Variants in SGCZ observed in about 807,000 individuals in gnomAD.
SGCZ encodes the protein sarcoglycan zeta, also known as zeta-sarcoglycan.
SGCZ carries 40 observed loss-of-function variants against 41.3 expected under a neutral mutation model. The observed-to-expected ratio is 0.97, with a 90% confidence interval of 0.75 to 1.26. The LOEUF (loss-of-function observed/expected upper bound fraction) is 1.26. Among genes scored for constraint, SGCZ ranks in the 50% most tolerant of loss-of-function variants. The pLI is 0.00. For missense variants in SGCZ, 552 were observed against 369.8 expected (o/e 1.49, Z -4.04); for synonymous variants, 206 against 137.5 (o/e 1.50, Z -3.49).
intron 2 of SGCZ, among the ~76,000 whole-genome samples, chr8:14,365,873 G>A (rs1043282869): frequency 5.3e-5 from 8 of 151,764 alleles, no homozygotes; most frequent in African/African-American, 1.7e-4. Flanking sequence ...TCCTTGTTTT[G>A]ATACCTGATA....
chr8:14,740,836 G>T (rs1476577803), intron 1 of SGCZ, among the ~76,000 whole-genome samples: 2 of 151,916 alleles, frequency 1.3e-5, no homozygotes, highest in African/African-American at 2.4e-5. Flanking sequence ...AGATGTAAGG[G>T]CAAACACCAA....
chr8:15,169,353 G>A (rs976607486), intron 1 of SGCZ, among the ~76,000 whole-genome samples: 5 of 152,154 alleles, frequency 3.3e-5, no homozygotes, highest in East Asian at 1.9e-4. Flanking sequence ...ACGTTTGCAG[G>A]GGGAGGAGCC....
rs1303643080 is a variant in SGCZ, at chr8:14,755,897, A to G, written c.40-200971T>C. On this transcript the variant is annotated intron_variant, in intron 1 of 7. Transcript: ENST00000382080. The stretch of plus-strand genomic sequence containing the variant: ...AAGTAAAAATAAAAAATAAAAAACT[A>G]TACATTGAATGAAATCAGAATAAGT... Among the ~76,000 whole-genome samples, 3 of 152,316 alleles carry G rather than the reference A, an allele frequency of 2.0e-5. No individual in the cohort carries two copies. The East Asian group carries it at 5.8e-4, about 29-fold the overall frequency.
At chr8:14,560,945 AGTTT>A (rs1804189924) in intron 1 of SGCZ, among the ~76,000 whole-genome samples, 1 of 152,182 alleles carries the variant, frequency 6.6e-6, no homozygotes, top group African/African-American at 2.4e-5. Flanking sequence ...AATAAAGCTT[AGTTT>A]AACATTATTA....
At chr8:14,793,584 G>A (rs1801029146) in intron 1 of SGCZ, among the ~76,000 whole-genome samples, 1 of 152,114 alleles carries the variant, frequency 6.6e-6, no homozygotes, top group Admixed American at 6.6e-5. Context: ...GGAAAGCTGA[G>A]GAATAACCCA....
intron 2 of SGCZ, among the ~76,000 whole-genome samples, chr8:14,325,060 C>A (rs772791257): frequency 7.9e-5 from 12 of 152,014 alleles, no homozygotes; most frequent in South Asian, 2.1e-4. Context: ...AAAGGAAAGC[C>A]ATACATATAA....
intron 1 of SGCZ, among the ~76,000 whole-genome samples, chr8:14,796,807 C>T (rs1352565136): frequency 4.6e-5 from 7 of 152,124 alleles, no homozygotes; most frequent in African/African-American, 1.2e-4. Context: ...TGGGAGGTAA[C>T]TGAATCATGC....
At chr8:15,200,200 A>C (rs1332056427) in intron 1 of SGCZ, among the ~76,000 whole-genome samples, 7 of 152,224 alleles carry the variant, frequency 4.6e-5, no homozygotes, top group Non-Finnish European at 1.0e-4. Context: ...ATATAGCATA[A>C]ATACTGATTT....
intron 3 of SGCZ, among the ~76,000 whole-genome samples, chr8:14,247,370 A>T (rs1365230938): frequency 6.6e-6 from 1 of 152,148 alleles, no homozygotes; most frequent in East Asian, 1.9e-4. Context: ...ATTGATGAAT[A>T]TGTATCCAGA....
Position 14,775,615 on chromosome 8 carries a change from C to G in SGCZ, c.40-220689G>C, listed in dbSNP as rs137958164. Among the ~76,000 whole-genome samples the G allele has an allele frequency of 3.3e-3, 505 of 152,050 alleles. 12 individuals are homozygous for G. Among genetic ancestry groups the G allele is most frequent in the Admixed American group, 0.03 (453 of 15,258 alleles). On this transcript the variant is annotated intron_variant, in intron 1 of 7. Transcript: ENST00000382080. The stretch of plus-strand genomic sequence containing the variant: ...TATCAAACAACTTAACCATATAACA[C>G]AGTACATATGAGGTACATGAGTATA...
At chr8:14,244,326 T>A (rs1799004441) in intron 3 of SGCZ, among the ~76,000 whole-genome samples, 1 of 152,066 alleles carries the variant, frequency 6.6e-6, no homozygotes. Context: ...TTCATTTCCG[T>A]GAAACAAGTC....
At chr8:14,624,061 C>T (rs963423822) in intron 1 of SGCZ, among the ~76,000 whole-genome samples, 1 of 152,144 alleles carries the variant, frequency 6.6e-6, no homozygotes, top group Non-Finnish European at 1.5e-5. Flanking sequence ...TTTTATTCAA[C>T]ATCTATTTAA....
intron 2 of SGCZ, among the ~76,000 whole-genome samples, chr8:14,498,444 C>G (rs1444113282): frequency 6.6e-6 from 1 of 152,002 alleles, no homozygotes; most frequent in Non-Finnish European, 1.5e-5. Context: ...ATGAGTGGAT[C>G]TAGGAATCTA....
chr8:14,148,995 A>AT (rs1212670957), intron 5 of SGCZ, among the ~76,000 whole-genome samples: 1 of 152,134 alleles, frequency 6.6e-6, no homozygotes, highest in Admixed American at 6.5e-5. Context: ...TCTCTTCATG[A>AT]TAAAAACCCC....
chr8:14,937,999 T>C (rs1800139649), intron 1 of SGCZ, among the ~76,000 whole-genome samples: 1 of 152,146 alleles, frequency 6.6e-6, no homozygotes, highest in Non-Finnish European at 1.5e-5. Flanking sequence ...AAATGTTTGA[T>C]TGGAAATAAC....
At chr8:14,595,898 G>C (rs1805396327) in intron 1 of SGCZ, among the ~76,000 whole-genome samples, 1 of 150,894 alleles carries the variant, frequency 6.6e-6, no homozygotes, top group Non-Finnish European at 1.5e-5. Context: ...TTTAACTGAA[G>C]AAAAAAAAAT....
intron 1 of SGCZ, among the ~76,000 whole-genome samples, chr8:14,575,465 T>C (rs1264271378): frequency 6.6e-6 from 1 of 152,234 alleles, no homozygotes; most frequent in Non-Finnish European, 1.5e-5. Flanking sequence ...ATAATTTGTG[T>C]ATACATGTTA....
intron 2 of SGCZ, among the ~76,000 whole-genome samples, chr8:14,465,742 C>G (rs1801029977): frequency 6.6e-6 from 1 of 151,680 alleles, no homozygotes; most frequent in South Asian, 2.1e-4. Flanking sequence ...TTTATATCAG[C>G]TTAACTTCAA....
intron 1 of SGCZ, among the ~76,000 whole-genome samples, chr8:15,141,832 C>T (rs910159544): frequency 1.3e-5 from 2 of 150,922 alleles, no homozygotes; most frequent in Non-Finnish European, 2.9e-5. Flanking sequence ...ACCCAGGAAG[C>T]GGAGATTGCA....
Sources: allele counts gnomAD v4.1 joint callset (sites outside exome capture counted in the v4.1 genomes callset), GRCh38; gene constraint gnomAD v4.1.1; transcripts MANE v1.5; gene names NCBI Gene and HGNC (gene_info 2026-07-23, HGNC 2026-07-21).